The following LRP1B variants were observed in gnomAD, a reference collection of about 807,000 sequenced individuals.
The protein encoded by LRP1B is LDL receptor related protein 1B.
A neutral mutation model predicts 556.6 loss-of-function variants in LRP1B; 217 were observed. That is an observed-to-expected ratio of 0.39 (90% CI 0.35 to 0.44). The LOEUF is 0.44. Among genes scored for constraint, LRP1B ranks in the 20% least tolerant of loss-of-function variants. The pLI is 1.00. For missense variants in LRP1B, 5,053 were observed against 5,620.8 expected (o/e 0.90, Z 3.23); for synonymous variants, 2,047 against 1,865.8 (o/e 1.10, Z -2.50).
In LRP1B at chr2:141,291,578, C is replaced by T. The variant is rs575739217; in HGVS notation, c.344-36937G>A. On this transcript the variant is annotated intron_variant, in intron 3 of 90. Transcript: ENST00000389484. Reference sequence around the variant, plus strand: ...TGCTCATTAAAACTTGTTTGGAGGCCGGGCGCGGTGGCTCACGCCTGTAAT... The same window carrying T: ...TGCTCATTAAAACTTGTTTGGAGGCTGGGCGCGGTGGCTCACGCCTGTAAT... Among the ~76,000 whole-genome samples, 24 of 152,066 alleles carry T rather than the reference C, an allele frequency of 1.6e-4. No homozygotes were observed. The South Asian group carries it at 2.1e-3, about 13-fold the overall frequency.
chr2:140,335,888 C>A (rs111377017), intron 77 of LRP1B, 50 bp from the exon 78 acceptor site: 2 of 1,193,176 alleles, frequency 1.7e-6, no homozygotes, highest in Non-Finnish European at 2.5e-6. Flanking sequence ...AGGAAATTAG[C>A]GGAGTTTTCT....
intron 18 of LRP1B, among the ~76,000 whole-genome samples, chr2:140,975,780 AATATT>A (rs1696578843): frequency 6.6e-6 from 1 of 152,156 alleles, no homozygotes; most frequent in Non-Finnish European, 1.5e-5. Flanking sequence ...GAAAATAAAA[AATATT>A]ATACTTAATC....
chr2:141,311,851 T>C (rs12615262), intron 3 of LRP1B, among the ~76,000 whole-genome samples: 15,004 of 152,180 alleles, frequency 0.099, 852 homozygotes, highest in East Asian at 0.16. Context: ...AGAAAACAGA[T>C]TTATGCAGGC....
chr2:141,088,481 G>A (rs1352375640), intron 7 of LRP1B, among the ~76,000 whole-genome samples: 1 of 152,002 alleles, frequency 6.6e-6, no homozygotes, highest in Non-Finnish European at 1.5e-5. Flanking sequence ...GAGACCAGGA[G>A]ATTTACCAGA....
At chr2:141,454,309 A>G (rs542368010) in intron 3 of LRP1B, among the ~76,000 whole-genome samples, 1 of 152,148 alleles carries the variant, frequency 6.6e-6, no homozygotes, top group African/African-American at 2.4e-5. Flanking sequence ...TTCTGATTTG[A>G]TATTAAAGAA....
chr2:141,862,829 C>T (rs1438157894), intron 1 of LRP1B, among the ~76,000 whole-genome samples: 2 of 152,178 alleles, frequency 1.3e-5, no homozygotes, highest in Non-Finnish European at 2.9e-5. Flanking sequence ...GAAGCATTCT[C>T]TTAGAGAATA....
chr2:140,954,097 A>T lies in LRP1B; in HGVS notation c.2888-2157T>A, dbSNP rs189776682. ...AAATATTTCCACTATTTTAGGATTCAGTTAACAAGATTTTGTTCATGTCAG... is the reference window on the plus strand; with the variant it reads ...AAATATTTCCACTATTTTAGGATTCTGTTAACAAGATTTTGTTCATGTCAG... On this transcript the variant is annotated intron_variant, in intron 18 of 90. Coordinates refer to ENST00000389484, the MANE Select transcript of LRP1B (RefSeq NM_018557.3). Among the ~76,000 whole-genome samples, 322 of 152,312 alleles carry T rather than the reference A, an allele frequency of 2.1e-3. 3 individuals carry two copies. Among genetic ancestry groups the T allele is most frequent in the African/African-American group, 7.1e-3 (297 of 41,572 alleles).
chr2:141,360,681 G>A (rs936875346), intron 3 of LRP1B, among the ~76,000 whole-genome samples: 3 of 152,186 alleles, frequency 2.0e-5, no homozygotes, highest in African/African-American at 7.2e-5. Flanking sequence ...GAAAGCATCA[G>A]AATGGTGCTT....
At chr2:140,986,354 T>C (rs1157304854) in intron 17 of LRP1B, among the ~76,000 whole-genome samples, 1 of 152,086 alleles carries the variant, frequency 6.6e-6, no homozygotes, top group African/African-American at 2.4e-5. Flanking sequence ...GCACAGGTAT[T>C]AGATTATCAA....
intron 2 of LRP1B, among the ~76,000 whole-genome samples, chr2:141,756,959 A>G (rs1558854237): frequency 1.3e-5 from 2 of 152,148 alleles, no homozygotes; most frequent in Admixed American, 1.3e-4. Flanking sequence ...ACACATACAC[A>G]TATGCAAATA....
intron 7 of LRP1B, among the ~76,000 whole-genome samples, chr2:141,071,453 G>A (rs1574044063): frequency 6.6e-6 from 1 of 152,106 alleles, no homozygotes; most frequent in African/African-American, 2.4e-5. Context: ...CACAAGACAG[G>A]GATGCCCTCT....
rs1574469125 is a variant in LRP1B, at chr2:141,892,195, G to A, written c.83-81794C>T. Among the ~76,000 whole-genome samples the A allele has an allele frequency of 2.6e-5, 4 of 151,654 alleles. 1 individual carries two copies. ...GAATGAGGGATCAAATACAAAACAAGATGAAAGAAGCCAAGAAAAAAAATA... is the reference window on the plus strand; with the variant it reads ...GAATGAGGGATCAAATACAAAACAAAATGAAAGAAGCCAAGAAAAAAAATA... On this transcript the variant is annotated intron_variant, in intron 1 of 90. Transcript: ENST00000389484.
chr2:140,760,436 C>T (rs1688875373), intron 35 of LRP1B, among the ~76,000 whole-genome samples: 1 of 152,190 alleles, frequency 6.6e-6, no homozygotes, highest in Non-Finnish European at 1.5e-5. Context: ...ATTTCCCCCA[C>T]TTGATAAACA....
chr2:141,273,799 C>A (rs377153463), intron 3 of LRP1B, among the ~76,000 whole-genome samples: 2 of 152,094 alleles, frequency 1.3e-5, no homozygotes, highest in African/African-American at 4.8e-5. Flanking sequence ...TCATACAATG[C>A]GAGAAAACAT....
At chr2:140,729,234 C>T (rs1272313304) in intron 35 of LRP1B, among the ~76,000 whole-genome samples, 1 of 151,982 alleles carries the variant, frequency 6.6e-6, no homozygotes, top group East Asian at 1.9e-4. Context: ...AAGATCATCG[C>T]CTGTGATTTT....
intron 7 of LRP1B, among the ~76,000 whole-genome samples, chr2:141,114,692 C>T (rs758418315): frequency 1.2e-4 from 18 of 152,150 alleles, no homozygotes; most frequent in Non-Finnish European, 1.9e-4. Context: ...ATGCCTCTTC[C>T]CATTTAGGGC....
At chr2:141,639,349 T>TATATATATAA (rs1262198983) in intron 2 of LRP1B, among the ~76,000 whole-genome samples, 1 of 56,112 alleles carries the variant, frequency 1.8e-5, no homozygotes, top group Admixed American at 2.6e-4. Context: ...TATATATATA[T>TATATATATAA]ACACACACAC....
At chr2:141,840,347 T>TC (rs1697425140) in intron 1 of LRP1B, among the ~76,000 whole-genome samples, 7 of 147,580 alleles carry the variant, frequency 4.7e-5, no homozygotes. Flanking sequence ...CACTGCAACT[T>TC]CCGCCTCCCG....
intron 2 of LRP1B, among the ~76,000 whole-genome samples, chr2:141,481,254 C>T (rs985022585): frequency 6.6e-6 from 1 of 151,960 alleles, no homozygotes; most frequent in African/African-American, 2.4e-5. Context: ...CAAAGTTTAC[C>T]CATTCCAAAT....
Sources: gnomAD v4.1 joint callset for allele counts (sites outside exome capture counted in the v4.1 genomes callset) on GRCh38, gnomAD v4.1.1 for gene constraint, MANE v1.5 for transcripts, NCBI Gene and HGNC (gene_info 2026-07-23, HGNC 2026-07-21) for gene names.